The following KCNIP4 variants were observed in gnomAD, a reference collection of about 807,000 sequenced individuals.
The protein encoded by KCNIP4 is Kv channel-interacting protein 4.
KCNIP4 carries 12 observed loss-of-function variants against 34.0 expected under a neutral mutation model. That is an observed-to-expected ratio of 0.35 (90% CI 0.23 to 0.57). The LOEUF is 0.57. Ranked by LOEUF, KCNIP4 falls within the 20% of genes least tolerant of loss-of-function variation. The pLI is 0.83. For synonymous variants in KCNIP4, 124 were observed against 102.2 expected, an observed-to-expected ratio of 1.21 and a Z score of -1.29; for missense variants, 238 against 311.7, an observed-to-expected ratio of 0.76 and a Z score of 1.78.
At chr4:21,554,296 A>C (rs1212006650) in intron 1 of KCNIP4, among the ~76,000 whole-genome samples, 1 of 152,126 alleles carries the variant, frequency 6.6e-6, no homozygotes. Context: ...GCAAGTGAGC[A>C]GGCCAGCAGC....
At chr4:20,870,616 A>C (rs1723346659) in intron 2 of KCNIP4, among the ~76,000 whole-genome samples, 1 of 152,152 alleles carries the variant, frequency 6.6e-6, no homozygotes, top group Non-Finnish European at 1.5e-5. Flanking sequence ...TGAATTGCTA[A>C]TTGTGGGATC....
At chr4:21,706,000 A>G (rs1303363625) in intron 1 of KCNIP4, among the ~76,000 whole-genome samples, 1 of 152,170 alleles carries the variant, frequency 6.6e-6, no homozygotes, top group African/African-American at 2.4e-5. Context: ...GTTGGGGAGT[A>G]TGCAGGGAAA....
chr4:21,897,120 T>G (rs2109413670), intron 1 of KCNIP4, among the ~76,000 whole-genome samples: 1 of 152,230 alleles, frequency 6.6e-6, no homozygotes. Context: ...ACTTTAAAAT[T>G]TATGCTTTAC....
At chr4:21,203,429 T>C (rs183666058) in intron 1 of KCNIP4, among the ~76,000 whole-genome samples, 1 of 152,244 alleles carries the variant, frequency 6.6e-6, no homozygotes, top group Non-Finnish European at 1.5e-5. Context: ...TTCCTTGGAG[T>C]TGCTAATTAT....
intron 1 of KCNIP4, among the ~76,000 whole-genome samples, chr4:21,533,605 A>G (rs766652897): frequency 1.1e-4 from 17 of 152,184 alleles, no homozygotes; most frequent in Non-Finnish European, 2.4e-4. Flanking sequence ...ACTAACAGAA[A>G]TTTATTTGTG....
At chr4:21,181,019 T>C (rs1754798973) in intron 1 of KCNIP4, among the ~76,000 whole-genome samples, 1 of 152,134 alleles carries the variant, frequency 6.6e-6, no homozygotes. Flanking sequence ...CTAACTTTAG[T>C]ATATGTTAGG....
chr4:21,130,447 G>A (rs542997046), intron 1 of KCNIP4, among the ~76,000 whole-genome samples: 9 of 152,150 alleles, frequency 5.9e-5, no homozygotes, highest in African/African-American at 1.4e-4. Context: ...TCCAAGAAAC[G>A]TCATCATTGC....
intron 1 of KCNIP4, among the ~76,000 whole-genome samples, chr4:21,579,321 A>C (rs367732973): frequency 2.0e-5 from 3 of 152,324 alleles, no homozygotes; most frequent in East Asian, 3.9e-4. Context: ...CAAAATAAAT[A>C]AAACTACTGT....
chr4:21,907,105 G>A (rs921332103), intron 1 of KCNIP4, among the ~76,000 whole-genome samples: 8 of 152,006 alleles, frequency 5.3e-5, no homozygotes, highest in African/African-American at 1.4e-4. Context: ...CACAATTCAC[G>A]TGCTGGAAAT....
chr4:20,926,608 G>A (rs16870186), intron 1 of KCNIP4, among the ~76,000 whole-genome samples: 6 of 152,034 alleles, frequency 3.9e-5, no homozygotes, highest in Admixed American at 3.9e-4. Context: ...TTGGTAAAGT[G>A]AGAAATCCAT....
intron 1 of KCNIP4, among the ~76,000 whole-genome samples, chr4:21,684,994 T>C (rs1750698657): frequency 6.6e-6 from 1 of 152,230 alleles, no homozygotes; most frequent in Non-Finnish European, 1.5e-5. Context: ...CATATTTGTA[T>C]AATATACAAG....
chr4:21,640,761 C>T (rs559604994), intron 1 of KCNIP4, among the ~76,000 whole-genome samples: 19 of 152,236 alleles, frequency 1.2e-4, no homozygotes, highest in African/African-American at 4.1e-4. Context: ...CAAAAAGCTG[C>T]TAACAAGAGA....
At chr4:21,566,283 T>C (rs147167599) in intron 1 of KCNIP4, among the ~76,000 whole-genome samples, 2 of 152,276 alleles carry the variant, frequency 1.3e-5, no homozygotes, top group East Asian at 3.9e-4. Context: ...AACAGGTGAA[T>C]AGACCTATTG....
intron 1 of KCNIP4, among the ~76,000 whole-genome samples, chr4:21,611,740 G>A (rs571299256): frequency 2.5e-5 from 3 of 120,946 alleles, no homozygotes; most frequent in African/African-American, 1.0e-4. Flanking sequence ...CTATACAGAT[G>A]TACCATACAT....
chr4:21,465,501 G>C (rs781154973), intron 1 of KCNIP4, among the ~76,000 whole-genome samples: 14 of 152,146 alleles, frequency 9.2e-5, no homozygotes, highest in Admixed American at 9.2e-4. Context: ...GCAATGCCCA[G>C]TGTCCTAAGA....
chr4:20,808,968 A>G (rs1250377719), intron 3 of KCNIP4, among the ~76,000 whole-genome samples: 2 of 152,180 alleles, frequency 1.3e-5, no homozygotes, highest in African/African-American at 4.8e-5. Context: ...CAGCAAAATC[A>G]ATGAGCTAAA....
At chr4:20,947,761 T>C (rs1732337950) in intron 1 of KCNIP4, among the ~76,000 whole-genome samples, 1 of 152,250 alleles carries the variant, frequency 6.6e-6, no homozygotes, top group Admixed American at 6.5e-5. Flanking sequence ...TAATATGTAC[T>C]GAACACTTAC....
Position 21,860,444 on chromosome 4 carries a change from A to G in KCNIP4, c.61+88127T>C, listed in dbSNP as rs948013030. On this transcript the variant is annotated intron_variant, in intron 1 of 8. Coordinates refer to ENST00000382152, the MANE Select transcript of KCNIP4 (RefSeq NM_025221.6). ...CCACTGTGCCTGGCCAGATTTGTCA[A>G]GAATTTAGAAGAGTTTAAAATGTTT... Among the ~76,000 whole-genome samples, 17 of 152,306 alleles carry G rather than the reference A, an allele frequency of 1.1e-4. No individual in the cohort carries two copies. In the East Asian group the frequency reaches 3.3e-3, roughly 29 times the overall value.
At chr4:20,915,816 T>C (rs1325764610) in intron 1 of KCNIP4, among the ~76,000 whole-genome samples, 2 of 152,174 alleles carry the variant, frequency 1.3e-5, no homozygotes, top group Non-Finnish European at 2.9e-5. Flanking sequence ...TTATCTTCTT[T>C]ACACAGAAAA....
Sources: gnomAD v4.1 joint callset for allele counts (sites outside exome capture counted in the v4.1 genomes callset) on GRCh38, gnomAD v4.1.1 for gene constraint, MANE v1.5 for transcripts, NCBI Gene and HGNC (gene_info 2026-07-23, HGNC 2026-07-21) for gene names.